Variants in SHISA9 observed in about 807,000 individuals in gnomAD.
SHISA9 encodes the protein shisa family member 9, also known as protein shisa-9.
In SHISA9, 13 loss-of-function variants were observed where a neutral mutation model predicts 38.0. That is an observed-to-expected ratio of 0.34 (90% CI 0.22 to 0.54). The LOEUF (loss-of-function observed/expected upper bound fraction) is 0.54. Ranked by LOEUF, SHISA9 falls within the 20% of genes least tolerant of loss-of-function variation. The pLI, the probability that SHISA9 is intolerant of heterozygous loss-of-function variation, is 0.91. For synonymous variants in SHISA9, 275 were observed against 242.0 expected (o/e 1.14, Z -1.27); for missense variants, 538 against 575.8 (o/e 0.93, Z 0.67).
chr16:12,985,447 GAAAACTTGTGAGGTTGGAC>G (rs2141827153), intron 2 of SHISA9, among the ~76,000 whole-genome samples: 1 of 152,212 alleles, frequency 6.6e-6, no homozygotes, highest in Non-Finnish European at 1.5e-5. Flanking sequence ...TGACCACCTT[GAAAACTTGTGAGGTTGGAC>G]AAATCACCTG....
At chr16:13,243,131 C>T (rs747692945), downstream of SHISA9, among the ~76,000 whole-genome samples, 1 of 151,708 alleles carries the variant, frequency 6.6e-6, no homozygotes. Context: ...CCCAGCTACT[C>T]AGCAGGCTGA....
intron 2 of SHISA9, among the ~76,000 whole-genome samples, chr16:13,016,381 G>C (rs1467752779): frequency 2.6e-5 from 4 of 152,110 alleles, no homozygotes; most frequent in African/African-American, 9.7e-5. Context: ...GTGGATTTTA[G>C]AGCCATCTAA....
the SHISA9 span, among the ~76,000 whole-genome samples, chr16:13,487,329 G>A: frequency 1.3e-5 from 2 of 152,164 alleles, no homozygotes; most frequent in Non-Finnish European, 2.9e-5. Flanking sequence ...GCTTTAATTG[G>A]CTCACAGTTC....
chr16:13,018,437 C>T (rs181710910), intron 2 of SHISA9, among the ~76,000 whole-genome samples: 1 of 152,290 alleles, frequency 6.6e-6, no homozygotes, highest in East Asian at 1.9e-4. Flanking sequence ...GTCTGTCTAC[C>T]CCACCTGCTA....
the SHISA9 span, among the ~76,000 whole-genome samples, chr16:13,305,147 A>G: frequency 2.6e-5 from 4 of 152,202 alleles, no homozygotes; most frequent in African/African-American, 9.7e-5. Flanking sequence ...TTTGTTTCAC[A>G]TACACCTAAT....
the SHISA9 span, among the ~76,000 whole-genome samples, chr16:13,280,224 C>T: frequency 7.3e-6 from 1 of 136,558 alleles, no homozygotes; most frequent in African/African-American, 2.8e-5. Flanking sequence ...CTCTATTATT[C>T]CCTTGATTTC....
At chr16:13,291,872 G>C in the SHISA9 span, among the ~76,000 whole-genome samples, 7 of 152,062 alleles carry the variant, frequency 4.6e-5, no homozygotes. Flanking sequence ...AACTGTGTAG[G>C]AGCCTTTATG....
chr16:13,038,717 T>A (rs1389616187), intron 2 of SHISA9, among the ~76,000 whole-genome samples: 1 of 152,228 alleles, frequency 6.6e-6, no homozygotes, highest in East Asian at 1.9e-4. Flanking sequence ...CAAAGTTATG[T>A]ATTTACCAGT....
At chr16:13,283,584 T>C in the SHISA9 span, among the ~76,000 whole-genome samples, 2 of 152,062 alleles carry the variant, frequency 1.3e-5, no homozygotes, top group African/African-American at 4.8e-5. Context: ...GTGAGACTTA[T>C]TCACTACCAT....
At chr16:13,319,471 G>A in the SHISA9 span, among the ~76,000 whole-genome samples, 2,396 of 152,254 alleles carry the variant, frequency 0.016, 66 homozygotes, top group African/African-American at 0.054. Flanking sequence ...AATAAGAGAC[G>A]ATAATGTTTT....
At chr16:13,073,180 G>A (rs1331295681) in intron 2 of SHISA9, among the ~76,000 whole-genome samples, 1 of 151,654 alleles carries the variant, frequency 6.6e-6, no homozygotes. Context: ...TGCACAGCCA[G>A]GTCTGGCTAA....
At chr16:13,243,832 G>T (rs2051453021), downstream of SHISA9, among the ~76,000 whole-genome samples, 1 of 147,868 alleles carries the variant, frequency 6.8e-6, no homozygotes, top group African/African-American at 2.5e-5. Context: ...CAGTGCAGTG[G>T]CGCAATCTTA....
At chr16:13,050,480 C>T (rs11860166) in intron 2 of SHISA9, among the ~76,000 whole-genome samples, 4,949 of 152,140 alleles carry the variant, frequency 0.033, 236 homozygotes, top group African/African-American at 0.11. Flanking sequence ...TACAGGTGGA[C>T]ACCACCACAC....
the SHISA9 span, among the ~76,000 whole-genome samples, chr16:13,476,995 C>G: frequency 6.6e-6 from 1 of 151,990 alleles, no homozygotes; most frequent in Admixed American, 6.6e-5. Context: ...ATCTGCCCGC[C>G]TCGGCCTCCC....
chr16:12,912,704 C>A lies in SHISA9; in HGVS notation c.564-3984C>A, dbSNP rs1427984155. Among the ~76,000 whole-genome samples the A allele has an allele frequency of 3.3e-5, 5 of 152,280 alleles. No individual in the cohort carries two copies. In the East Asian group the frequency reaches 7.7e-4, roughly 24 times the overall value. ...GCACGGAGGTTGCAAGGAGCCCAAA[C>A]TTTGATTTCAAAGACGTTCAGGATT... On this transcript the variant is annotated intron_variant, in intron 1 of 4. Transcript: ENST00000558583.
At chr16:13,394,743 TG>T in the SHISA9 span, among the ~76,000 whole-genome samples, 5 of 152,040 alleles carry the variant, frequency 3.3e-5, no homozygotes, top group Non-Finnish European at 5.9e-5. Context: ...GCTAATATGG[TG>T]GGGGAAATAT....
chr16:13,256,652 T>C, the SHISA9 span, among the ~76,000 whole-genome samples: 1 of 152,208 alleles, frequency 6.6e-6, no homozygotes, highest in African/African-American at 2.4e-5. Flanking sequence ...AAGATTAGTT[T>C]GTCTCTGAAT....
At chr16:13,319,815 AAAC>A in the SHISA9 span, among the ~76,000 whole-genome samples, 1 of 151,702 alleles carries the variant, frequency 6.6e-6, no homozygotes, top group Non-Finnish European at 1.5e-5. Context: ...AAAAAAAAAA[AAAC>A]AAGGCCAAGG....
At chr16:13,078,386 G>A (rs988209942) in intron 2 of SHISA9, among the ~76,000 whole-genome samples, 4 of 151,430 alleles carry the variant, frequency 2.6e-5, no homozygotes, top group Non-Finnish European at 5.9e-5. Context: ...ATTTTTTATT[G>A]TTGTATTTTT....
Sources: allele counts gnomAD v4.1 joint callset (sites outside exome capture counted in the v4.1 genomes callset), GRCh38; gene constraint gnomAD v4.1.1; transcripts MANE v1.5; gene names NCBI Gene and HGNC (gene_info 2026-07-23, HGNC 2026-07-21).